LMX1B: variants seen among roughly 807,000 people sequenced by gnomAD.
LMX1B encodes LIM homeobox transcription factor 1 beta, also known as LIM homeobox transcription factor 1-beta.
Under a neutral mutation model 51.4 loss-of-function variants are expected in LMX1B, and 12 were observed. The ratio of observed to expected loss-of-function variants is 0.23; its 90% CI spans 0.15 to 0.38. The LOEUF (loss-of-function observed/expected upper bound fraction) is 0.38. Ranked by LOEUF, LMX1B falls within the 10% of genes least tolerant of loss-of-function variation. The pLI is 1.00. For synonymous variants in LMX1B, 237 were observed against 235.4 expected, an observed-to-expected ratio of 1.01 and a Z score of -0.06; for missense variants, 445 against 571.1, an observed-to-expected ratio of 0.78 and a Z score of 2.25.
In LMX1B at chr9:126,614,199, G is replaced by A. The variant is rs1835251644; in HGVS notation, c.-251G>A. Among the ~76,000 whole-genome samples the A allele has an allele frequency of 2.1e-5, 3 of 146,068 alleles. No homozygotes were observed. The highest frequency in any genetic ancestry group is 2.0e-4 in the Admixed American group (3 of 14,732). ...TTCCGGGACTGACAAGCAGGTGACA[G>A]AGGAGCCGGCGCGCGTGGCTGCAAG... On this transcript the variant is annotated 5_prime_UTR_variant, in exon 1 of 8. Coordinates refer to ENST00000373474, the MANE Select transcript of LMX1B (RefSeq NM_001174147.2).
At chr9:126,637,427 T>C (rs1351646262) in intron 2 of LMX1B, among the ~76,000 whole-genome samples, 1 of 151,854 alleles carries the variant, frequency 6.6e-6, no homozygotes, top group African/African-American at 2.4e-5. Context: ...GTGCCCTGTA[T>C]CTGTGTGCAC....
chr9:126,690,881 C>A lies in LMX1B; in HGVS notation c.372C>A (p.Pro124=). The A allele has an allele frequency of 6.2e-7, 1 of 1,613,708 alleles. No homozygotes were observed. The highest frequency in any genetic ancestry group is 8.5e-7 in the Non-Finnish European group (1 of 1,179,956). ...GCGGCTGCATGGAGAAGATCGCCCC[C>A]ACCGAGTTCGTGATGCGGGCGCTGG... The part of the protein sequence containing the change: ...KCSGCMEKIA[P]TEFVMRALEC... The change falls in exon 3 of 8, where the codon CCC becomes CCA. Residue 124 remains proline, a synonymous_variant. Coordinates refer to ENST00000373474, the MANE Select transcript of LMX1B (RefSeq NM_001174147.2).
At position 126,614,301 on chromosome 9, in the gene LMX1B, G is replaced by T. The variant is rs1287238200; in HGVS notation, c.-149G>T. 5.9e-5 allele frequency: 21 copies of T among 354,362 alleles called. No individual in the cohort carries two copies. Among genetic ancestry groups the T allele is most frequent in the Non-Finnish European group, 7.4e-5 (19 of 256,008 alleles). 22.0% of individuals were successfully genotyped at this position (354,362 alleles called of 1,614,324 possible). A position where few individuals can be genotyped will look rare whatever the true frequency, so the allele number is the denominator to read the frequency against. Reference sequence around the variant, plus strand: ...CGCCGGGGCCCGGGGCCAGCGCGTCGCCGCTCCACGATCGCCGGGGGCCGG... The same window carrying T: ...CGCCGGGGCCCGGGGCCAGCGCGTCTCCGCTCCACGATCGCCGGGGGCCGG... On this transcript the variant is annotated 5_prime_UTR_variant, in exon 1 of 8. Coordinates refer to ENST00000373474, the MANE Select transcript of LMX1B (RefSeq NM_001174147.2).
intron 2 of LMX1B, among the ~76,000 whole-genome samples, chr9:126,681,371 G>T (rs78034220): frequency 0.016 from 2,455 of 152,194 alleles, 81 homozygotes; most frequent in African/African-American, 0.056. Context: ...CCCCACAGAC[G>T]CCATGTCCTC....
chr9:126,647,191 C>T (rs984713743), intron 2 of LMX1B, among the ~76,000 whole-genome samples: 2 of 151,214 alleles, frequency 1.3e-5, no homozygotes, highest in Non-Finnish European at 2.9e-5. Flanking sequence ...CCAGCCTGAG[C>T]AACAGAGTGA....
chr9:126,623,747 C>G (rs1301250071), intron 2 of LMX1B, among the ~76,000 whole-genome samples: 1 of 141,048 alleles, frequency 7.1e-6, no homozygotes, highest in Admixed American at 6.9e-5. Flanking sequence ...AGCAGGGTGT[C>G]ACTGACCTCC....
In LMX1B at chr9:126,664,428, C is replaced by T. The variant is rs182503103; in HGVS notation, c.327-26408C>T. On this transcript the variant is annotated intron_variant, in intron 2 of 7. Coordinates refer to ENST00000373474, the MANE Select transcript of LMX1B (RefSeq NM_001174147.2). ...AGGGATGGGGGGGAGGCAGTTATAC[C>T]CCTTCCCCTTGAACCAGGCCAAGGG... Among the ~76,000 whole-genome samples the T allele has an allele frequency of 2.8e-4, 43 of 152,320 alleles. No homozygotes were observed. The East Asian group carries it at 6.0e-3, about 21-fold the overall frequency.
In LMX1B at chr9:126,615,440, G is replaced by A; in HGVS notation, c.197G>A (p.Arg66His). Residue 66 changes from arginine to histidine, a missense_variant, in exon 2 of 8, where the codon CGC becomes CAC. Around this residue, in one of 3 missense-constraint regions of LMX1B, gnomAD observed 273 missense variants for 343.3 expected, o/e 0.80. Transcript: ENST00000373474. This position sits in a 1 kb window ranked among gnomAD's most constrained non-coding sequence, Gnocchi z 6.0. ...CEGCQRPISDRFLMRVNESSW... is the reference protein window; with the variant it reads ...CEGCQRPISDHFLMRVNESSW... The stretch of plus-strand genomic sequence containing the variant: ...GGCTGCCAGCGGCCCATCTCCGACC[G>A]CTTCCTGATGCGAGTCAACGAGTCG... The A allele has an allele frequency of 6.2e-7, 1 of 1,608,876 alleles. No individual in the cohort carries two copies. Among genetic ancestry groups the A allele is most frequent in the Non-Finnish European group, 8.5e-7 (1 of 1,177,872 alleles).
In LMX1B at chr9:126,693,210, G is replaced by C. The variant is rs754095270; in HGVS notation, c.628G>C (p.Gly210Arg). ...GCAGGGCAGTCAGAGCAAGGGCAGC[G>C]GGGATGACGGGAAGGACCCGCGGAG... ...KGQGSQSKGS[G>R]DDGKDPRRPK... Residue 210 changes from glycine to arginine, a missense_variant, in exon 4 of 8, where the codon GGG becomes CGG. Gly to Arg is a moderately radical substitution (Grantham distance 125). Coordinates refer to ENST00000373474, the MANE Select transcript of LMX1B (RefSeq NM_001174147.2). The C allele has an allele frequency of 3.1e-6, 5 of 1,608,790 alleles. No individual in the cohort carries two copies. Among genetic ancestry groups the C allele is most frequent in the African/African-American group, 1.3e-5 (1 of 74,832 alleles).
chr9:126,696,169 C>A, intron 7 of LMX1B, 125 bp from the exon 8 acceptor site: 1 of 1,186,910 alleles, frequency 8.4e-7, no homozygotes, highest in Non-Finnish European at 1.2e-6. Flanking sequence ...TCCTTCTTGG[C>A]CGGCACTAGT....
At chr9:126,687,725 G>A (rs536326836) in intron 2 of LMX1B, among the ~76,000 whole-genome samples, 1 of 152,298 alleles carries the variant, frequency 6.6e-6, no homozygotes, top group African/African-American at 2.4e-5. Flanking sequence ...GCTGAGGCTC[G>A]AGAAGAAAAA....
chr9:126,661,219 T>TGTGGACGCCCCACGCAGGGCGACCTCC (rs1564158762), intron 2 of LMX1B, among the ~76,000 whole-genome samples: 2 of 148,332 alleles, frequency 1.3e-5, no homozygotes, highest in African/African-American at 2.6e-5. Flanking sequence ...GGGCGACCTC[T>TGTGGACGCCCCACGCAGGGCGACCTCC]CAGGCCAGCG....
chr9:126,687,834 C>T (rs377036755), intron 2 of LMX1B, among the ~76,000 whole-genome samples: 1 of 152,194 alleles, frequency 6.6e-6, no homozygotes, highest in East Asian at 1.9e-4. Flanking sequence ...GCCTTCTTCT[C>T]AGTGGCTGGC....
In LMX1B at chr9:126,693,336, C is replaced by CG. The variant is rs752786088; in HGVS notation, c.741+19dup. ...GCCTTGCCGAAAGGTGAGGGGCGGCCGGGGGGCGGGGCTCAGGCTGATGCC... is the reference window on the plus strand; with the variant it reads ...GCCTTGCCGAAAGGTGAGGGGCGGCCGGGGGGGCGGGGCTCAGGCTGATGCC... On this transcript the variant is annotated intron_variant, in intron 4 of 7. Transcript: ENST00000373474. 2 of 1,581,562 alleles carry CG rather than the reference C, an allele frequency of 1.3e-6. No homozygotes were observed. Among genetic ancestry groups the CG allele is most frequent in the Non-Finnish European group, 1.7e-6 (2 of 1,164,492 alleles).
In LMX1B at chr9:126,671,205, C is replaced by T. The variant is rs1836443289; in HGVS notation, c.327-19631C>T. Among the ~76,000 whole-genome samples the T allele has an allele frequency of 1.3e-5, 2 of 152,234 alleles. No individual in the cohort carries two copies. Among genetic ancestry groups the T allele is most frequent in the African/African-American group, 4.8e-5 (2 of 41,470 alleles). On this transcript the variant is annotated intron_variant, in intron 2 of 7. Transcript: ENST00000373474. The surrounding 1 kb of genome is among the most constrained non-coding windows in gnomAD (Gnocchi z 4.4). ...AAACCCAGCTCTGCTTCGCCACCGC[C>T]GAGCTCTGAGCTGGGGGGAGGGGAC...
chr9:126,620,968 A>C (rs60352358), intron 2 of LMX1B, among the ~76,000 whole-genome samples: 86 of 152,290 alleles, frequency 5.6e-4, no homozygotes, highest in African/African-American at 1.9e-3. Context: ...AAAGGTGGAG[A>C]AACACCATTC....
At position 126,695,943 on chromosome 9, in the gene LMX1B, G is replaced by T; in HGVS notation, c.991G>T (p.Asp331Tyr). ...AMEQSPYGSS[D>Y]PFQQGLTPPQ... ...GGAACAGAGCCCCTACGGCAGCAGC[G>T]ACCCCTTCCAGCAGGGCCTCACGCC... Residue 331 changes from aspartate to tyrosine, a missense_variant, in exon 7 of 8, where the codon GAC (aspartate) becomes TAC (tyrosine). Physicochemically the swap from Asp to Tyr is radical, Grantham distance 160. Transcript: ENST00000373474. The surrounding 1 kb of genome is among the most constrained non-coding windows in gnomAD (Gnocchi z 5.2). 6.2e-7 allele frequency: 1 copy of T among 1,613,212 alleles called. No individual in the cohort carries two copies. Among genetic ancestry groups the T allele is most frequent in the South Asian group, 1.1e-5 (1 of 91,052 alleles).
chr9:126,667,961 G>A (rs1196677072), intron 2 of LMX1B, among the ~76,000 whole-genome samples: 3 of 152,188 alleles, frequency 2.0e-5, no homozygotes, highest in South Asian at 2.1e-4. Flanking sequence ...TAGGGAAAGC[G>A]GAGGCAGCTG....
chr9:126,619,251 C>T (rs925613659), intron 2 of LMX1B, among the ~76,000 whole-genome samples: 5 of 152,226 alleles, frequency 3.3e-5, no homozygotes, highest in African/African-American at 9.6e-5. Flanking sequence ...GTGTTTACCC[C>T]GGGAAAGACC....
Sources: gnomAD v4.1 joint callset for allele counts (sites outside exome capture counted in the v4.1 genomes callset) on GRCh38, gnomAD v4.1.1 for gene constraint, gnomAD v4.1.1 regional missense constraint, Gnocchi (gnomAD v3.1) non-coding constraint, MANE v1.5 for transcripts, NCBI Gene and HGNC (gene_info 2026-07-23, HGNC 2026-07-21) for gene names.